The following CDK14 variants were observed in gnomAD, a reference collection of about 807,000 sequenced individuals.
CDK14 encodes the protein cyclin-dependent kinase 14.
CDK14 carries 34 observed loss-of-function variants against 60.7 expected under a neutral mutation model. That is an observed-to-expected ratio of 0.56 (90% CI 0.43 to 0.75). The LOEUF is 0.75. Ranked by LOEUF, CDK14 falls within the 30% of genes least tolerant of loss-of-function variation. CDK14 has a pLI of 0.00. For missense variants in CDK14, 482 were observed against 564.1 expected (o/e 0.85, Z 1.47); for synonymous variants, 197 against 203.7 (o/e 0.97, Z 0.28).
intron 10 of CDK14, among the ~76,000 whole-genome samples, chr7:91,023,795 C>T (rs529266907): frequency 6.6e-6 from 1 of 152,048 alleles, no homozygotes; most frequent in Non-Finnish European, 1.5e-5. Flanking sequence ...GAGATGGAGT[C>T]TCACCTGTCA....
At chr7:91,196,257 A>G (rs1802537384) in intron 14 of CDK14, among the ~76,000 whole-genome samples, 1 of 147,394 alleles carries the variant, frequency 6.8e-6, no homozygotes, top group African/African-American at 2.5e-5. Flanking sequence ...TCGTGTAGAT[A>G]CTCCCATGAT....
chr7:90,720,104 A>C (rs1178858183), intron 2 of CDK14, among the ~76,000 whole-genome samples: 2 of 152,234 alleles, frequency 1.3e-5, no homozygotes, highest in African/African-American at 4.8e-5. Flanking sequence ...GGGGCTATAA[A>C]ATGAATATAA....
chr7:91,130,985 T>C (rs758307026), intron 14 of CDK14, among the ~76,000 whole-genome samples: 16 of 152,132 alleles, frequency 1.1e-4, no homozygotes, highest in Non-Finnish European at 2.1e-4. Context: ...CGAGCTCCCA[T>C]GAAGTAACTC....
intron 2 of CDK14, among the ~76,000 whole-genome samples, chr7:90,662,355 A>G (rs1268867008): frequency 6.6e-6 from 1 of 152,222 alleles, no homozygotes; most frequent in African/African-American, 2.4e-5. Context: ...CCAGTGAAAT[A>G]CAAGTCCTGC....
chr7:90,608,633 A>G, intron 2 of CDK14: 1 of 644,446 alleles, frequency 1.6e-6, no homozygotes, highest in Non-Finnish European at 1.9e-6. Context: ...AAAGAATTTC[A>G]TATGTTTATG....
chr7:90,901,713 C>G lies in CDK14; in HGVS notation c.702+2360C>G, dbSNP rs2117360922. On this transcript the variant is annotated intron_variant, in intron 7 of 14. Transcript: ENST00000380050. ...ATACACACACACACACATATATATT[C>G]TCCCCAGAATCAGGACATCTGCATA... Among the ~76,000 whole-genome samples, 5 of 151,488 alleles carry G rather than the reference C, an allele frequency of 3.3e-5. No homozygotes were observed. In the Middle Eastern group the frequency reaches 0.017, roughly 515 times the overall value.
intron 5 of CDK14, among the ~76,000 whole-genome samples, chr7:90,814,466 A>G (rs1453946307): frequency 1.3e-5 from 2 of 152,174 alleles, no homozygotes; most frequent in East Asian, 3.8e-4. Flanking sequence ...AAATAACCCA[A>G]TATGAGCAAA....
At chr7:90,908,568 C>T (rs1792788780) in intron 7 of CDK14, among the ~76,000 whole-genome samples, 1 of 150,486 alleles carries the variant, frequency 6.6e-6, no homozygotes, top group Non-Finnish European at 1.5e-5. Flanking sequence ...CACCTTGCCT[C>T]TCTCCAGTTT....
chr7:90,728,535 T>G (rs1802726404), intron 3 of CDK14, among the ~76,000 whole-genome samples: 1 of 152,160 alleles, frequency 6.6e-6, no homozygotes, highest in Admixed American at 6.6e-5. Flanking sequence ...AAGTATCCTG[T>G]TCTATTTCAA....
intron 13 of CDK14, among the ~76,000 whole-genome samples, chr7:91,114,289 C>T (rs1327126829): frequency 1.3e-5 from 2 of 152,092 alleles, no homozygotes; most frequent in African/African-American, 4.8e-5. Context: ...ACCCACTTGC[C>T]ACTTAGTTTA....
At chr7:90,867,201 ATAT>A (rs1470466998) in intron 6 of CDK14, among the ~76,000 whole-genome samples, 3 of 152,182 alleles carry the variant, frequency 2.0e-5, no homozygotes, top group Admixed American at 2.0e-4. Context: ...ATGGTCTAAA[ATAT>A]TATTATAGCT....
chr7:91,096,103 A>G (rs1052082863), intron 12 of CDK14, among the ~76,000 whole-genome samples: 6 of 144,446 alleles, frequency 4.2e-5, no homozygotes, highest in African/African-American at 1.5e-4. Context: ...TATCTTCTAT[A>G]ATCATCAGTG....
Position 90,596,745 on chromosome 7 carries a change from C to A in CDK14, c.91+27C>A, listed in dbSNP as rs757413712. 2.5e-6 allele frequency: 4 copies of A among 1,579,596 alleles called. No individual in the cohort carries two copies. In the Admixed American group the frequency reaches 6.7e-5, roughly 27 times the overall value. On this transcript the variant is annotated intron_variant, in intron 1 of 14. Transcript: ENST00000380050. ...TGAGTAGCGCGCTGCCCCCGGCCCC[C>A]CCAGCGCCCGCTCCCCTCGGCCTGC...
chr7:90,736,203 G>A (rs1348048906), intron 3 of CDK14, among the ~76,000 whole-genome samples: 2 of 152,016 alleles, frequency 1.3e-5, no homozygotes, highest in African/African-American at 4.8e-5. Context: ...AGTTGGAAGT[G>A]TAGAAATCAC....
At chr7:90,639,786 C>T (rs1800271549) in intron 2 of CDK14, among the ~76,000 whole-genome samples, 1 of 151,960 alleles carries the variant, frequency 6.6e-6, no homozygotes, top group South Asian at 2.1e-4. Context: ...TTCGAGCTTC[C>T]CGGCTGCTTT....
intron 2 of CDK14, among the ~76,000 whole-genome samples, chr7:90,658,951 A>C (rs986981198): frequency 1.3e-5 from 2 of 152,206 alleles, no homozygotes; most frequent in Non-Finnish European, 2.9e-5. Flanking sequence ...AATTAGAGTT[A>C]CAATGGAGTA....
At position 90,790,652 on chromosome 7, in the gene CDK14, G is replaced by T; in HGVS notation, c.544G>T (p.Ala182Ser). Reference sequence around the variant, plus strand: ...GACACCTTTCACAGCTATCAGGGAAGGTAGGCACTTTTCCTTGTTGATATT... The same window carrying T: ...GACACCTTTCACAGCTATCAGGGAATGTAGGCACTTTTCCTTGTTGATATT... ...EGTPFTAIRE[A>S]SLLKGLKHAN... The change falls in exon 5 of 15, where the codon GCT becomes TCT. Residue 182 changes from alanine (A) to serine (S), a missense_variant and splice_region_variant. By Grantham distance (99) the Ala-to-Ser change is moderately conservative (BLOSUM62 1). Coordinates refer to ENST00000380050, the MANE Select transcript of CDK14 (RefSeq NM_001287135.2). 1 of 1,608,572 alleles carries T rather than the reference G, an allele frequency of 6.2e-7. No individual in the cohort carries two copies. Among genetic ancestry groups the T allele is most frequent in the South Asian group, 1.1e-5 (1 of 90,746 alleles).
At chr7:90,725,623 A>C (rs117405655) in intron 2 of CDK14, among the ~76,000 whole-genome samples, 1 of 152,206 alleles carries the variant, frequency 6.6e-6, no homozygotes, top group Admixed American at 6.5e-5. Context: ...GAAGAAAAGC[A>C]TTCTAAAAAC....
chr7:91,095,810 G>A (rs904293278), intron 12 of CDK14, among the ~76,000 whole-genome samples: 1 of 151,960 alleles, frequency 6.6e-6, no homozygotes, highest in African/African-American at 2.4e-5. Context: ...GATGAAAATG[G>A]TTGTGATACA....
Sources: allele counts gnomAD v4.1 joint callset (sites outside exome capture counted in the v4.1 genomes callset), GRCh38; gene constraint gnomAD v4.1.1; transcripts MANE v1.5; gene names NCBI Gene and HGNC (gene_info 2026-07-23, HGNC 2026-07-21).